TXNDC9: variants seen among roughly 807,000 people sequenced by gnomAD.
The protein encoded by TXNDC9 is thioredoxin domain-containing protein 9.
A neutral mutation model predicts 23.0 loss-of-function variants in TXNDC9; 7 were observed. The observed-to-expected ratio is 0.30, with a 90% CI of 0.17 to 0.57. The LOEUF is 0.57. Ranked by LOEUF, TXNDC9 falls within the 20% of genes least tolerant of loss-of-function variation. The probability of loss-of-function intolerance (pLI) is 0.90; values close to 1 mark genes in which losing one functional copy is unlikely to be tolerated. For synonymous variants in TXNDC9, 72 were observed against 90.6 expected (o/e 0.79, Z 1.17); for missense variants, 198 against 252.6 (o/e 0.78, Z 1.47).
At position 99,333,168 on chromosome 2, in the gene TXNDC9, C is replaced by T; in HGVS notation, c.43G>A (p.Glu15Lys). 6.2e-7 allele frequency: 1 copy of T among 1,614,134 alleles called. No individual in the cohort carries two copies. Among genetic ancestry groups the T allele is most frequent in the Non-Finnish European group, 8.5e-7 (1 of 1,180,014 alleles). ...ASVDMFSKVL[E>K]HQLLQTTKLV... is the part of the protein sequence containing the mutation. ...TTGGTAGTCTGAAGCAGCTGATGCT[C>T]CAGGACTTTGGAAAACATGTCAACA... Residue 15 changes from glutamate to lysine, a missense_variant, in exon 2 of 5, where the codon GAG becomes AAG. Transcript: ENST00000264255.
chr2:99,317,301 G>A (rs1313684429), downstream of TXNDC9, among the ~76,000 whole-genome samples: 1 of 152,118 alleles, frequency 6.6e-6, no homozygotes, highest in Non-Finnish European at 1.5e-5. Flanking sequence ...TTGAGGACTG[G>A]ATATTTTAGA....
At chr2:99,315,828 T>C (rs1365256559), downstream of TXNDC9, among the ~76,000 whole-genome samples, 2 of 152,236 alleles carry the variant, frequency 1.3e-5, no homozygotes, top group Non-Finnish European at 1.5e-5. Flanking sequence ...TCTGGACTTT[T>C]ATTTCGCTTA....
At chr2:99,334,075 G>T (rs914215584) in intron 1 of TXNDC9, among the ~76,000 whole-genome samples, 3 of 152,222 alleles carry the variant, frequency 2.0e-5, no homozygotes, top group Admixed American at 6.5e-5. Context: ...TCTAGGCTGG[G>T]TGCTATGGCT....
Position 99,336,238 on chromosome 2 carries a change from C to T in TXNDC9, c.-33+1G>A. On this transcript the variant is annotated splice_donor_variant, in intron 1 of 4. Coordinates refer to ENST00000264255, the MANE Select transcript of TXNDC9 (RefSeq NM_005783.4). LOFTEE classifies it low-confidence loss of function (5UTR_SPLICE). ...ATTCTTCTCACTACCCTCTGCCTCA[C>T]CTGAGCTCTCGGTGACGCCTGAGAA... 2.0e-6 allele frequency: 2 copies of T among 985,504 alleles called. No individual in the cohort carries two copies. Among genetic ancestry groups the T allele is most frequent in the Non-Finnish European group, 2.4e-6 (2 of 829,968 alleles). 61.0% of individuals were successfully genotyped at this position (985,504 alleles called of 1,614,324 possible). A position where few individuals can be genotyped will look rare whatever the true frequency, so the allele number is the denominator to read the frequency against.
intron 1 of TXNDC9, 42 bp downstream of exon 1, chr2:99,336,197 C>T (rs867526725): frequency 5.1e-6 from 5 of 985,032 alleles, no homozygotes; most frequent in Middle Eastern, 5.2e-4. Context: ...CACCAGCACC[C>T]GGACGTGGTG....
chr2:99,322,066 T>C lies in TXNDC9; in HGVS notation c.452A>G (p.Asp151Gly). ...KVIPTLALLKDGKTQDYVVGF... is the reference protein window; with the variant it reads ...KVIPTLALLKGGKTQDYVVGF... ...AACAACATAATCTTGTGTTTTCCCA[T>C]CTTTTAGCAGTGCTAGTGTGGGAAT... Residue 151 changes from aspartate to glycine, a missense_variant, in exon 4 of 5, where the codon GAT becomes GGT. Coordinates refer to ENST00000264255, the MANE Select transcript of TXNDC9 (RefSeq NM_005783.4). The C allele has an allele frequency of 1.9e-6, 3 of 1,614,174 alleles. No individual in the cohort carries two copies. Among genetic ancestry groups the C allele is most frequent in the Non-Finnish European group, 2.5e-6 (3 of 1,180,018 alleles).
In TXNDC9 at chr2:99,327,533, A is replaced by G; in HGVS notation, c.308+2T>C. 6.3e-7 allele frequency: 1 copy of G among 1,596,668 alleles called. No homozygotes were observed. The highest frequency in any genetic ancestry group is 8.6e-7 in the Non-Finnish European group (1 of 1,165,764). On this transcript the variant is annotated splice_donor_variant, in intron 3 of 4. Transcript: ENST00000264255. LOFTEE classifies it high-confidence loss of function. ...AAAAGTCACAGATGGAAACAAAGTT[A>G]CCTGAATGTGGAGTCTCTGTAGAAA...
chr2:99,321,808 A>G, intron 4 of TXNDC9, 147 bp downstream of exon 4: 1 of 954,938 alleles, frequency 1.0e-6, no homozygotes, highest in Non-Finnish European at 1.5e-6. Context: ...CACACTTCAA[A>G]AAAACATGCT....
In TXNDC9 at chr2:99,322,396, G is replaced by C. The variant is rs2094204523; in HGVS notation, c.309-187C>G. On this transcript the variant is annotated intron_variant, in intron 3 of 4. Coordinates refer to ENST00000264255, the MANE Select transcript of TXNDC9 (RefSeq NM_005783.4). Reference sequence around the variant, plus strand: ...AGGTTAGCTGCCTGATTACGAGATGGGAAAACAGCCTATAAGATTCTAGAA... The same window carrying C: ...AGGTTAGCTGCCTGATTACGAGATGCGAAAACAGCCTATAAGATTCTAGAA... 2.5e-6 allele frequency: 3 copies of C among 1,210,282 alleles called. No individual in the cohort carries two copies. The Admixed American group carries it at 9.2e-5, about 37-fold the overall frequency. 75.0% of individuals were successfully genotyped at this position (1,210,282 alleles called of 1,614,324 possible). A position where few individuals can be genotyped will look rare whatever the true frequency, so the allele number is the denominator to read the frequency against.
chr2:99,327,791 G>GTTTT, intron 2 of TXNDC9, 138 bp from the exon 3 acceptor site: 1 of 396,658 alleles, frequency 2.5e-6, no homozygotes, highest in Non-Finnish European at 4.4e-6. Context: ...GTTTGTTTTT[G>GTTTT]TTTTTTTTTT....
At chr2:99,335,725 G>T (rs907359069) in intron 1 of TXNDC9, among the ~76,000 whole-genome samples, 1 of 152,160 alleles carries the variant, frequency 6.6e-6, no homozygotes, top group Non-Finnish European at 1.5e-5. Context: ...AATGAGCCCA[G>T]AATTTAATTA....
intron 3 of TXNDC9, among the ~76,000 whole-genome samples, chr2:99,327,131 G>A (rs777520846): frequency 2.6e-5 from 4 of 151,950 alleles, no homozygotes; most frequent in Non-Finnish European, 5.9e-5. Flanking sequence ...GAAGTGCAGT[G>A]TCGCGATCTC....
chr2:99,309,245 C>T, the TXNDC9 span, among the ~76,000 whole-genome samples: 8 of 151,276 alleles, frequency 5.3e-5, no homozygotes, highest in South Asian at 2.1e-4. Context: ...TGGTGGCACA[C>T]GATTGTAATC....
At chr2:99,318,181 G>A (rs112018639), downstream of TXNDC9, among the ~76,000 whole-genome samples, 1,821 of 152,236 alleles carry the variant, frequency 0.012, 31 homozygotes, top group Non-Finnish European at 0.015. Context: ...GTGAGCCACC[G>A]TGCCAGGCTC....
At chr2:99,308,609 A>G in the TXNDC9 span, among the ~76,000 whole-genome samples, 1 of 151,732 alleles carries the variant, frequency 6.6e-6, no homozygotes, top group South Asian at 2.1e-4. Context: ...GTGTGTGTGT[A>G]TGTAGGGAGG....
intron 2 of TXNDC9, among the ~76,000 whole-genome samples, chr2:99,330,318 A>AAAAAAAAAAACAC (rs1238678566): frequency 6.9e-6 from 1 of 145,446 alleles, no homozygotes; most frequent in Non-Finnish European, 1.5e-5. Flanking sequence ...AAAAAAAAAA[A>AAAAAAAAAAACAC]AGCTGCTATT....
At chr2:99,309,639 G>A in the TXNDC9 span, among the ~76,000 whole-genome samples, 9 of 152,128 alleles carry the variant, frequency 5.9e-5, no homozygotes, top group Non-Finnish European at 1.2e-4. Context: ...TTCGAGACCA[G>A]CCTGGCCGAC....
the TXNDC9 span, among the ~76,000 whole-genome samples, chr2:99,309,900 G>A: frequency 1.7e-4 from 25 of 151,464 alleles, no homozygotes; most frequent in Middle Eastern, 6.8e-3. Context: ...TGGTCAAGCT[G>A]GTTTGAACTC....
intron 2 of TXNDC9, among the ~76,000 whole-genome samples, chr2:99,331,060 T>C (rs2105325605): frequency 6.6e-6 from 1 of 152,336 alleles, no homozygotes; most frequent in South Asian, 2.1e-4. Flanking sequence ...AAAGTTCCTT[T>C]AAGACATTAT....
Sources: allele counts gnomAD v4.1 joint callset (sites outside exome capture counted in the v4.1 genomes callset), GRCh38; gene constraint gnomAD v4.1.1; transcripts MANE v1.5; gene names NCBI Gene and HGNC (gene_info 2026-07-23, HGNC 2026-07-21).